The following RASGRP4 variants were observed in gnomAD, a reference collection of about 807,000 sequenced individuals.
The protein encoded by RASGRP4 is RAS guanyl releasing protein 4, also known as RAS guanyl-releasing protein 4.
RASGRP4 carries 52 observed loss-of-function variants against 84.4 expected under a neutral mutation model. That is an observed-to-expected ratio of 0.62 (90% confidence interval 0.49 to 0.78). RASGRP4 has a LOEUF of 0.78. Among genes scored for constraint, RASGRP4 ranks in the 30% least tolerant of loss-of-function variants. The pLI is 0.00. For synonymous variants in RASGRP4, 356 were observed against 359.1 expected, an observed-to-expected ratio of 0.99 and a Z score of 0.10; for missense variants, 760 against 886.9, an observed-to-expected ratio of 0.86 and a Z score of 1.82.
At chr19:38,420,109 G>A (rs1971675969) in intron 5 of RASGRP4, 22 bp downstream of exon 5, 3 of 1,610,694 alleles carry the variant, frequency 1.9e-6, no homozygotes, top group African/African-American at 1.3e-5. Context: ...GCAGGGAAGA[G>A]GGGAGCACAG....
intron 1 of RASGRP4, among the ~76,000 whole-genome samples, chr19:38,423,849 ATAATAATAG>A (rs1401767262): frequency 5.3e-5 from 8 of 151,880 alleles, no homozygotes; most frequent in Admixed American, 1.3e-4. Context: ...AATAATAATA[ATAATAATAG>A]TAATAATAGT....
rs1971608236 is a variant in RASGRP4 at position 38,418,585 on chromosome 19, A to G, written c.664-21T>C. The stretch of plus-strand genomic sequence containing the variant: ...TGGGGCTGGGAGCGAGGTGGGTGTC[A>G]AGGTGGGCCGTGGCGCTCAGGCCCT... On this transcript the variant is annotated intron_variant, in intron 6 of 16. Transcript: ENST00000615439. This position sits in a 1 kb window ranked among gnomAD's most constrained non-coding sequence, Gnocchi z 4.6. The G allele has an allele frequency of 6.7e-7, 1 of 1,493,072 alleles. No homozygotes were observed. Among genetic ancestry groups the G allele is most frequent in the Non-Finnish European group, 8.9e-7 (1 of 1,118,968 alleles). 92.5% of individuals were successfully genotyped at this position (1,493,072 alleles called of 1,614,324 possible).
In RASGRP4 at chr19:38,421,201, CTG is replaced by C. The variant is rs1568414873; in HGVS notation, c.209-3_209-2del. Reference sequence around the variant, plus strand: ...TCGTGGCACAGGCTGCCAGCTGAATCTGGGGTGGAAGGAGGGGTACTCTGTGA... The same window carrying C: ...TCGTGGCACAGGCTGCCAGCTGAATCGGGTGGAAGGAGGGGTACTCTGTGA... On this transcript the variant is annotated splice_acceptor_variant and splice_polypyrimidine_tract_variant and intron_variant, in intron 2 of 16. Transcript: ENST00000615439. LOFTEE classifies it high-confidence loss of function. 1 of 1,609,532 alleles carries C rather than the reference CTG, an allele frequency of 6.2e-7. No individual in the cohort carries two copies. The highest frequency in any genetic ancestry group is 2.2e-5 in the East Asian group (1 of 44,862).
Position 38,420,949 on chromosome 19 carries a change from G to A in RASGRP4, c.336C>T (p.Asp112=), listed in dbSNP as rs891894428. 6.2e-7 allele frequency: 1 copy of A among 1,613,890 alleles called. No individual in the cohort carries two copies. ...TCTGCAGCCGTCTCAGCTCCTGGGT[G>A]TCCCCTGTGGCCTTCTGGTATTTGA... ...LLTSYQKATG[D]TQELRRLQIC... Residue 112 remains aspartate, a synonymous_variant, in exon 4 of 17, where the codon GAC becomes GAT. Transcript: ENST00000615439.
chr19:38,420,560 G>T, intron 4 of RASGRP4, among the ~76,000 whole-genome samples: 1 of 151,624 alleles, frequency 6.6e-6, no homozygotes, highest in Non-Finnish European at 1.5e-5. Context: ...GGGGGCTTCC[G>T]GGGGTGAAAT....
At chr19:38,419,798 C>A in intron 6 of RASGRP4, 62 bp downstream of exon 6, 1 of 1,490,902 alleles carries the variant, frequency 6.7e-7, no homozygotes, top group South Asian at 1.3e-5. Context: ...CTTCCCCCAG[C>A]CAATCCCTCC....
rs1971336522 is a variant in RASGRP4, at chr19:38,413,070, G to C, written c.1417-21C>G. 1 of 1,599,332 alleles carries C rather than the reference G, an allele frequency of 6.3e-7. No homozygotes were observed. The highest frequency in any genetic ancestry group is 8.6e-7 in the Non-Finnish European group (1 of 1,166,632). On this transcript the variant is annotated intron_variant, in intron 11 of 16. Transcript: ENST00000615439. The surrounding 1 kb of genome is among the most constrained non-coding windows in gnomAD (Gnocchi z 4.7). ...ACAGACTTCAGAGGAGTGTGGGGAA[G>C]CAGATAAGGCCCAGTTGTCGAAATA...
chr19:38,409,078 T>G lies in RASGRP4; in HGVS notation c.*962A>C. On this transcript the variant is annotated 3_prime_UTR_variant, in exon 17 of 17. Transcript: ENST00000615439. ...TGTTCTCCAGAGAATAAATTTAATT[T>G]ATGACAGCTGTAGGACCTCTCTCTG... 1.9e-6 allele frequency: 1 copy of G among 515,914 alleles called. No homozygotes were observed. Among genetic ancestry groups the G allele is most frequent in the East Asian group, 3.7e-5 (1 of 27,168 alleles). The allele number at this position is 515,914 out of a possible 1,614,324, so 32.0% of individuals were successfully genotyped here.
chr19:38,418,504 C>T lies in RASGRP4; in HGVS notation c.724G>A (p.Gly242Ser). ...ACGCTGTTGCTGAGACCTACGGAGCCCTCCAGGGCCGGGCAGCCTCGTACT... is the reference window on the plus strand; with the variant it reads ...ACGCTGTTGCTGAGACCTACGGAGCTCTCCAGGGCCGGGCAGCCTCGTACT... ...GSVRGCPALEGSVGLSNSVSR... is the reference protein window; with the variant it reads ...GSVRGCPALESSVGLSNSVSR... Residue 242 changes from glycine (G) to serine (S), a missense_variant, in exon 7 of 17, where the codon GGC (glycine) becomes AGC (serine). Coordinates refer to ENST00000615439, the MANE Select transcript of RASGRP4 (RefSeq NM_170604.3). The surrounding 1 kb of genome is among the most constrained non-coding windows in gnomAD (Gnocchi z 4.6). 1 of 1,560,074 alleles carries T rather than the reference C, an allele frequency of 6.4e-7. No individual in the cohort carries two copies. The highest frequency in any genetic ancestry group is 8.7e-7 in the Non-Finnish European group (1 of 1,152,594).
At position 38,411,012 on chromosome 19, in the gene RASGRP4, G is replaced by T; in HGVS notation, c.1853-14C>A. ...TTTCCTCGGAGCCTGTTTGTGGGTG[G>T]ATGGAAGGGATGTGGGTCTGATGGG... On this transcript the variant is annotated splice_polypyrimidine_tract_variant and intron_variant, in intron 15 of 16. Transcript: ENST00000615439. 1 of 1,607,012 alleles carries T rather than the reference G, an allele frequency of 6.2e-7. No homozygotes were observed. Among genetic ancestry groups the T allele is most frequent in the South Asian group, 1.1e-5 (1 of 89,880 alleles).
intron 16 of RASGRP4, 77 bp downstream of exon 16, chr19:38,410,809 A>C (rs1971209403): frequency 9.3e-7 from 1 of 1,071,434 alleles, no homozygotes; most frequent in Non-Finnish European, 1.4e-6. Context: ...ATGGGTCTCC[A>C]AATCTGTCCA....
In RASGRP4 at chr19:38,409,897, G is replaced by T. The variant is rs1971149487; in HGVS notation, c.*143C>A. Reference sequence around the variant, plus strand: ...GAAAGTCACTTCCAGGGAAAAAGATGACGGACGTACCACTAAAGGCAGTGT... The same window carrying T: ...GAAAGTCACTTCCAGGGAAAAAGATTACGGACGTACCACTAAAGGCAGTGT... On this transcript the variant is annotated 3_prime_UTR_variant, in exon 17 of 17. Coordinates refer to ENST00000615439, the MANE Select transcript of RASGRP4 (RefSeq NM_170604.3). 1.7e-6 allele frequency: 1 copy of T among 590,924 alleles called. No homozygotes were observed. The highest frequency in any genetic ancestry group is 3.0e-6 in the Non-Finnish European group (1 of 330,582). The allele number at this position is 590,924 out of a possible 1,614,324, so 36.6% of individuals were successfully genotyped here.
At position 38,414,925 on chromosome 19, in the gene RASGRP4, G is replaced by T; in HGVS notation, c.1153C>A (p.Arg385=). The T allele has an allele frequency of 6.2e-7, 1 of 1,612,804 alleles. No homozygotes were observed. Among genetic ancestry groups the T allele is most frequent in the South Asian group, 1.1e-5 (1 of 90,850 alleles). ...HLPKLNNLYL[R]LQELVALQGQ... ...TGGAGGGCCACCAGCTCCTGCAGCC[G>T]CAGGTAGAGGTTGTTCAGCTTGGGT... is the stretch of plus-strand genomic sequence containing the variant. The change falls in exon 9 of 17, where the codon CGG becomes AGG. Residue 385 remains arginine (R), a synonymous_variant. Coordinates refer to ENST00000615439, the MANE Select transcript of RASGRP4 (RefSeq NM_170604.3).
intron 16 of RASGRP4, among the ~76,000 whole-genome samples, chr19:38,410,626 T>C (rs1369862603): frequency 1.3e-5 from 2 of 152,234 alleles, no homozygotes; most frequent in East Asian, 3.9e-4. Flanking sequence ...TTGGCCAGGC[T>C]GATCTCGAAC....
rs529140130 is a variant in RASGRP4, at chr19:38,413,352, C to T, written c.1311+42G>A. The stretch of plus-strand genomic sequence containing the variant: ...TCACTGCATAGGCTTAGGGGGGGTT[C>T]GAGGTAATTGGGGGAGTCCGAGGCC... On this transcript the variant is annotated intron_variant, in intron 10 of 16. Coordinates refer to ENST00000615439, the MANE Select transcript of RASGRP4 (RefSeq NM_170604.3). The surrounding 1 kb of genome is among the most constrained non-coding windows in gnomAD (Gnocchi z 4.7). The T allele has an allele frequency of 3.8e-5, 61 of 1,603,234 alleles. No homozygotes were observed. In the South Asian group the frequency reaches 5.0e-4, roughly 13 times the overall value.
In RASGRP4 at chr19:38,409,888, G is replaced by A. The variant is rs1437032756; in HGVS notation, c.*152C>T. 8.7e-6 allele frequency: 5 copies of A among 575,874 alleles called. No homozygotes were observed. In the East Asian group the frequency reaches 9.4e-5, roughly 11 times the overall value. 35.7% of individuals were successfully genotyped at this position (575,874 alleles called of 1,614,324 possible). ...GCAAAAGAGGAAAGTCACTTCCAGG[G>A]AAAAAGATGACGGACGTACCACTAA... On this transcript the variant is annotated 3_prime_UTR_variant, in exon 17 of 17. Coordinates refer to ENST00000615439, the MANE Select transcript of RASGRP4 (RefSeq NM_170604.3).
At chr19:38,422,904 G>A (rs897801987) in intron 1 of RASGRP4, among the ~76,000 whole-genome samples, 36 of 151,928 alleles carry the variant, frequency 2.4e-4, no homozygotes, top group African/African-American at 5.3e-4. Flanking sequence ...GGGGACCGCC[G>A]CTCAGGACTG....
chr19:38,419,754 C>A, intron 6 of RASGRP4, 106 bp downstream of exon 6: 1 of 1,134,646 alleles, frequency 8.8e-7, no homozygotes. Context: ...GAGATCTCTG[C>A]CGAATGACCA....
intron 2 of RASGRP4, 124 bp downstream of exon 2, chr19:38,421,845 G>T (rs1971766830): frequency 7.4e-6 from 5 of 678,674 alleles, no homozygotes; most frequent in South Asian, 7.3e-5. Context: ...TATCTCTAAT[G>T]TAGTGATTGA....
Sources: allele counts gnomAD v4.1 joint callset (sites outside exome capture counted in the v4.1 genomes callset), GRCh38; gene constraint gnomAD v4.1.1; non-coding constraint Gnocchi (gnomAD v3.1); transcripts MANE v1.5; gene names NCBI Gene and HGNC (gene_info 2026-07-23, HGNC 2026-07-21).